Variants in GSK3B observed in about 807,000 individuals in gnomAD.
GSK3B encodes the protein glycogen synthase kinase 3 beta, also known as glycogen synthase kinase-3 beta.
In GSK3B, 15 loss-of-function variants were observed where a neutral mutation model predicts 56.4. That is an observed-to-expected ratio of 0.27 (90% confidence interval 0.18 to 0.41). The LOEUF (loss-of-function observed/expected upper bound fraction) is 0.41. GSK3B is among the 10% of genes least tolerant of loss of function. The pLI is 1.00. For missense variants in GSK3B, 300 were observed against 513.4 expected, an observed-to-expected ratio of 0.58 and a Z score of 4.02; for synonymous variants, 181 against 188.9, an observed-to-expected ratio of 0.96 and a Z score of 0.34.
intron 10 of GSK3B, among the ~76,000 whole-genome samples, chr3:119,828,400 A>C (rs568862367): frequency 2.6e-5 from 4 of 152,176 alleles, no homozygotes; most frequent in Non-Finnish European, 4.4e-5. Context: ...TTTTCTCCCA[A>C]AGATTTCACA....
At chr3:119,957,894 T>C (rs1362892907) in intron 2 of GSK3B, among the ~76,000 whole-genome samples, 3 of 152,200 alleles carry the variant, frequency 2.0e-5, no homozygotes, top group East Asian at 1.9e-4. Flanking sequence ...GACTTCAGTA[T>C]TGAAAGAGCT....
chr3:119,987,458 T>A (rs933862199), intron 2 of GSK3B, among the ~76,000 whole-genome samples: 3 of 152,232 alleles, frequency 2.0e-5, no homozygotes, highest in Admixed American at 2.0e-4. Context: ...GATTTTTACC[T>A]ACATTAAAAA....
At chr3:119,945,023 T>C (rs4688046) in intron 3 of GSK3B, among the ~76,000 whole-genome samples, 36,832 of 152,040 alleles carry the variant, frequency 0.24, 4,910 homozygotes, top group East Asian at 0.49. Context: ...CATCTTCTCC[T>C]ATGGGAAGAA....
intron 1 of GSK3B, among the ~76,000 whole-genome samples, chr3:120,076,687 G>T (rs1470059303): frequency 6.6e-6 from 1 of 151,368 alleles, no homozygotes; most frequent in Non-Finnish European, 1.5e-5. Context: ...GGTGGCGCAC[G>T]CCTGTAGTCC....
chr3:119,849,876 T>A (rs2055903683), intron 9 of GSK3B, among the ~76,000 whole-genome samples: 1 of 152,134 alleles, frequency 6.6e-6, no homozygotes, highest in African/African-American at 2.4e-5. Context: ...AGTACAATGA[T>A]GTGATCTTGG....
chr3:120,051,101 AC>A (rs2058144921), intron 1 of GSK3B, among the ~76,000 whole-genome samples: 1 of 150,942 alleles, frequency 6.6e-6, no homozygotes, highest in South Asian at 2.1e-4. Flanking sequence ...AGGGTCTAGG[AC>A]ACTCCAGATG....
chr3:119,969,159 G>C (rs2057344230), intron 2 of GSK3B, among the ~76,000 whole-genome samples: 1 of 151,962 alleles, frequency 6.6e-6, no homozygotes, highest in African/African-American at 2.4e-5. Flanking sequence ...AGGTGTGGTG[G>C]CACACGCCTG....
chr3:120,060,197 A>G (rs531977951), intron 1 of GSK3B, among the ~76,000 whole-genome samples: 7 of 152,354 alleles, frequency 4.6e-5, no homozygotes, highest in African/African-American at 9.6e-5. Flanking sequence ...TTACAAGGTG[A>G]TAAGTGTTAG....
intron 2 of GSK3B, among the ~76,000 whole-genome samples, chr3:119,956,420 T>C (rs2057215565): frequency 2.0e-5 from 3 of 152,162 alleles, no homozygotes; most frequent in Admixed American, 1.3e-4. Context: ...ACCAAAAGTG[T>C]TTCAGACTTC....
chr3:119,868,948 G>A (rs1371182586), intron 8 of GSK3B, among the ~76,000 whole-genome samples: 1 of 152,116 alleles, frequency 6.6e-6, no homozygotes, highest in Non-Finnish European at 1.5e-5. Flanking sequence ...AGGTAATTAT[G>A]TTAACTAAGA....
Position 120,046,634 on chromosome 3 carries a change from G to A in GSK3B, c.89-44395C>T, listed in dbSNP as rs193076905. Among the ~76,000 whole-genome samples, 196 of 152,046 alleles carry A rather than the reference G, an allele frequency of 1.3e-3. No individual in the cohort carries two copies. The East Asian group carries it at 0.015, about 12-fold the overall frequency. ...ATTTATTTATTTATTTTGAGACAGC[G>A]TCTCACTCTGTCTGCCCAGGCTGGA... On this transcript the variant is annotated intron_variant, in intron 1 of 10. Coordinates refer to ENST00000264235, the MANE Select transcript of GSK3B (RefSeq NM_001146156.2).
chr3:120,057,741 T>C (rs1362237471), intron 1 of GSK3B, among the ~76,000 whole-genome samples: 1 of 152,172 alleles, frequency 6.6e-6, no homozygotes. Context: ...CCTTGTCACA[T>C]TTAATCTTCA....
At chr3:119,862,091 T>TC (rs2056112117) in intron 9 of GSK3B, among the ~76,000 whole-genome samples, 1 of 139,038 alleles carries the variant, frequency 7.2e-6, no homozygotes. Flanking sequence ...AAAGTCTTCT[T>TC]TTTTTTTTTT....
At chr3:119,931,579 C>T (rs992520981) in intron 3 of GSK3B, among the ~76,000 whole-genome samples, 1 of 152,000 alleles carries the variant, frequency 6.6e-6, no homozygotes, top group Non-Finnish European at 1.5e-5. Flanking sequence ...TGTGCCACTG[C>T]ACTCCAGCCT....
intron 10 of GSK3B, among the ~76,000 whole-genome samples, chr3:119,839,555 G>A (rs1439075145): frequency 6.6e-6 from 1 of 152,068 alleles, no homozygotes; most frequent in Non-Finnish European, 1.5e-5. Flanking sequence ...TACCTGAATT[G>A]CAATGATGCT....
chr3:119,839,920 G>T (rs1191491760), intron 10 of GSK3B, among the ~76,000 whole-genome samples: 2 of 152,120 alleles, frequency 1.3e-5, no homozygotes, highest in Non-Finnish European at 2.9e-5. Context: ...AGCTTAGATG[G>T]GTGATTAGAA....
At chr3:119,999,050 A>C (rs1033880717) in intron 2 of GSK3B, among the ~76,000 whole-genome samples, 90 of 152,248 alleles carry the variant, frequency 5.9e-4, no homozygotes, top group African/African-American at 2.0e-3. Flanking sequence ...TAAAGCACAT[A>C]TATACAATGT....
intron 2 of GSK3B, 71 bp from the exon 3 acceptor site, chr3:119,947,422 C>T: frequency 2.1e-6 from 2 of 944,214 alleles, no homozygotes; most frequent in Non-Finnish European, 3.4e-6. Flanking sequence ...CAAGATGCTT[C>T]TGAAATAACA....
chr3:119,832,404 T>A (rs998294310), intron 10 of GSK3B, among the ~76,000 whole-genome samples: 1 of 152,244 alleles, frequency 6.6e-6, no homozygotes, highest in Non-Finnish European at 1.5e-5. Context: ...GCTTCTAAAT[T>A]CCTGACCCAT....
Sources: allele counts gnomAD v4.1 joint callset (sites outside exome capture counted in the v4.1 genomes callset), GRCh38; gene constraint gnomAD v4.1.1; transcripts MANE v1.5; gene names NCBI Gene and HGNC (gene_info 2026-07-23, HGNC 2026-07-21).